RGS7: variants seen among roughly 807,000 people sequenced by gnomAD.
RGS7 encodes the protein regulator of G-protein signaling 7.
A neutral mutation model predicts 81.1 loss-of-function variants in RGS7; 27 were observed. That is an observed-to-expected ratio of 0.33 (90% CI 0.25 to 0.46). RGS7 has a LOEUF of 0.46. Among genes scored for constraint, RGS7 ranks in the 20% least tolerant of loss-of-function variants. RGS7 has a pLI of 1.00. For synonymous variants in RGS7, 208 were observed against 207.7 expected (o/e 1.00, Z -0.01); for missense variants, 396 against 607.4 (o/e 0.65, Z 3.66).
At chr1:241,248,768 T>G (rs1303485443) in intron 2 of RGS7, among the ~76,000 whole-genome samples, 1 of 152,154 alleles carries the variant, frequency 6.6e-6, no homozygotes, top group African/African-American at 2.4e-5. Context: ...GCAAGGCATA[T>G]CCCTCCTTTT....
At chr1:241,088,025 C>T (rs1342451967) in intron 3 of RGS7, among the ~76,000 whole-genome samples, 2 of 91,166 alleles carry the variant, frequency 2.2e-5, no homozygotes, top group African/African-American at 1.4e-4. Context: ...TATACACACA[C>T]ACATATATAT....
intron 3 of RGS7, among the ~76,000 whole-genome samples, chr1:241,003,409 C>A (rs1193467484): frequency 6.8e-6 from 1 of 147,338 alleles, no homozygotes; most frequent in Non-Finnish European, 1.5e-5. Context: ...TGCAGTGAAC[C>A]GAGATCGCGC....
chr1:240,818,489 C>G (rs1328321092), intron 10 of RGS7, among the ~76,000 whole-genome samples: 2 of 151,984 alleles, frequency 1.3e-5, no homozygotes, highest in Non-Finnish European at 2.9e-5. Flanking sequence ...TGGAAATGGC[C>G]CAAACTGATA....
intron 3 of RGS7, among the ~76,000 whole-genome samples, chr1:241,042,453 A>G (rs1213731082): frequency 1.3e-5 from 2 of 152,112 alleles, no homozygotes; most frequent in African/African-American, 4.8e-5. Flanking sequence ...CATGATGGAG[A>G]TATGTCTCTT....
intron 4 of RGS7, among the ~76,000 whole-genome samples, chr1:240,942,692 T>C (rs1445757196): frequency 1.3e-5 from 2 of 152,186 alleles, no homozygotes; most frequent in Admixed American, 6.5e-5. Context: ...AGTTACTTAA[T>C]GATAAAATAA....
chr1:240,859,440 G>GTTTTTTT (rs5782167), intron 9 of RGS7, among the ~76,000 whole-genome samples: 17 of 110,822 alleles, frequency 1.5e-4, no homozygotes, highest in South Asian at 2.9e-4. Context: ...TTTCTTTCCT[G>GTTTTTTT]TTTTTTTTTT....
chr1:241,222,006 C>G (rs1399403758), intron 2 of RGS7, among the ~76,000 whole-genome samples: 1 of 151,982 alleles, frequency 6.6e-6, no homozygotes, highest in Non-Finnish European at 1.5e-5. Context: ...TCTGGAGAAC[C>G]CTGACTAATA....
At position 241,255,320 on chromosome 1, in the gene RGS7, A is replaced by G. The variant is rs541198888; in HGVS notation, c.78+100379T>C. Among the ~76,000 whole-genome samples, 4 of 152,310 alleles carry G rather than the reference A, an allele frequency of 2.6e-5. No homozygotes were observed. The East Asian group carries it at 7.7e-4, about 29-fold the overall frequency. On this transcript the variant is annotated intron_variant, in intron 2 of 18. Transcript: ENST00000440928. ...CAATCCTGAAACCAGGTTTTATAGAAGAGAGACTGGCATTAATCATCACCT... is the reference window on the plus strand; with the variant it reads ...CAATCCTGAAACCAGGTTTTATAGAGGAGAGACTGGCATTAATCATCACCT...
chr1:240,855,683 C>A (rs1023078966), intron 9 of RGS7, among the ~76,000 whole-genome samples: 3 of 152,130 alleles, frequency 2.0e-5, no homozygotes, highest in Non-Finnish European at 4.4e-5. Flanking sequence ...CAAATGTTAG[C>A]TACCCTATGT....
rs148006550 is a variant in RGS7 at position 241,121,581 on chromosome 1, G to A, written c.79-22819C>T. On this transcript the variant is annotated intron_variant, in intron 2 of 18. Transcript: ENST00000440928. ...TGGGAGTGAGGGTGGATGACAGAGA[G>A]GGTTGTTTGGAAGCTTATAGGAGAA... Among the ~76,000 whole-genome samples, 394 of 152,086 alleles carry A rather than the reference G, an allele frequency of 2.6e-3. 2 individuals carry two copies. The highest frequency in any genetic ancestry group is 8.8e-3 in the African/African-American group (364 of 41,470).
intron 3 of RGS7, among the ~76,000 whole-genome samples, chr1:241,078,469 C>T (rs2062952543): frequency 1.1e-5 from 1 of 94,824 alleles, no homozygotes; most frequent in African/African-American, 5.4e-5. Flanking sequence ...ACATAATGCA[C>T]ACACACACGT....
At chr1:241,058,761 T>A (rs992847048) in intron 3 of RGS7, among the ~76,000 whole-genome samples, 4 of 152,246 alleles carry the variant, frequency 2.6e-5, no homozygotes, top group Non-Finnish European at 5.9e-5. Context: ...CAATATTTAC[T>A]TTTAAAATGA....
At chr1:241,207,281 T>C (rs1393840539) in intron 2 of RGS7, among the ~76,000 whole-genome samples, 1 of 149,590 alleles carries the variant, frequency 6.7e-6, no homozygotes, top group African/African-American at 2.4e-5. Context: ...CTTTCCCTTC[T>C]AAAGATCAAG....
At chr1:240,803,095 A>G in intron 15 of RGS7, 102 bp from the exon 16 acceptor site, 1 of 792,918 alleles carries the variant, frequency 1.3e-6, no homozygotes, top group Admixed American at 1.8e-5. Context: ...GTAGCAGCGA[A>G]AAATAGTAAT....
At chr1:241,356,873 C>T (rs1236925840) in intron 1 of RGS7, 26 bp downstream of exon 1, 1 of 151,284 alleles carries the variant, frequency 6.6e-6, no homozygotes, top group Non-Finnish European at 1.5e-5. Flanking sequence ...GGCGCTGCCT[C>T]CTCCCCGCCC....
intron 9 of RGS7, among the ~76,000 whole-genome samples, chr1:240,839,099 G>A (rs567421441): frequency 6.6e-6 from 1 of 152,276 alleles, no homozygotes; most frequent in African/African-American, 2.4e-5. Context: ...ATGCCTATGA[G>A]GCTAGATGAT....
intron 6 of RGS7, among the ~76,000 whole-genome samples, chr1:240,910,118 C>T (rs1043639895): frequency 5.3e-5 from 8 of 152,098 alleles, no homozygotes; most frequent in Admixed American, 3.9e-4. Context: ...GAACATATTT[C>T]GAACATTTTT....
chr1:240,846,342 G>A (rs1470791761), intron 9 of RGS7, among the ~76,000 whole-genome samples: 1 of 152,178 alleles, frequency 6.6e-6, no homozygotes, highest in Non-Finnish European at 1.5e-5. Context: ...TGAGTGGTGA[G>A]AGACATTCTT....
intron 3 of RGS7, among the ~76,000 whole-genome samples, chr1:241,079,226 G>A (rs983823734): frequency 8.8e-5 from 13 of 147,696 alleles, no homozygotes; most frequent in South Asian, 2.2e-4. Flanking sequence ...CCAATGAATC[G>A]GAAAGTGAAA....
Sources: gnomAD v4.1 joint callset for allele counts (sites outside exome capture counted in the v4.1 genomes callset) on GRCh38, gnomAD v4.1.1 for gene constraint, MANE v1.5 for transcripts, NCBI Gene and HGNC (gene_info 2026-07-23, HGNC 2026-07-21) for gene names.